Variants in DIP2C observed in about 807,000 individuals in gnomAD.
DIP2C encodes disco-interacting protein 2 homolog C.
In DIP2C, 33 loss-of-function variants were observed where a neutral mutation model predicts 192.4. The observed-to-expected ratio is 0.17, with a 90% CI of 0.13 to 0.23. DIP2C has a LOEUF of 0.23. Ranked by LOEUF, DIP2C falls within the 10% of genes least tolerant of loss-of-function variation. The pLI is 1.00. For synonymous variants in DIP2C, 979 were observed against 864.1 expected (o/e 1.13, Z -2.33); for missense variants, 1,537 against 2,110.1 (o/e 0.73, Z 5.32).
chr10:389,852 T>G, intron 13 of DIP2C, 139 bp downstream of exon 13: 1 of 711,328 alleles, frequency 1.4e-6, no homozygotes, highest in Non-Finnish European at 2.4e-6. Flanking sequence ...ATATCCTAAC[T>G]CAACAATAAG....
At chr10:291,492 T>G (rs1288682983) in intron 32 of DIP2C, among the ~76,000 whole-genome samples, 1 of 152,186 alleles carries the variant, frequency 6.6e-6, no homozygotes. Flanking sequence ...ACCCCGTATC[T>G]AAGGGCAGAA....
intron 7 of DIP2C, among the ~76,000 whole-genome samples, chr10:414,707 ATGTGTG>A (rs71199933): frequency 2.5e-4 from 12 of 47,826 alleles, no homozygotes; most frequent in South Asian, 9.3e-4. Flanking sequence ...GTGTGTATGT[ATGTGTG>A]TGTGTGTGTG....
At chr10:465,556 G>A (rs1310663372) in intron 3 of DIP2C, among the ~76,000 whole-genome samples, 1 of 152,026 alleles carries the variant, frequency 6.6e-6, no homozygotes, top group Non-Finnish European at 1.5e-5. Context: ...GGCAGGAGAA[G>A]GAAACAAAGG....
chr10:382,939 G>A (rs888097766), intron 16 of DIP2C, among the ~76,000 whole-genome samples, 178 bp from the exon 17 acceptor site: 1 of 152,200 alleles, frequency 6.6e-6, no homozygotes, highest in Non-Finnish European at 1.5e-5. Flanking sequence ...TTCTCAAACA[G>A]AACTCAAGAA....
intron 17 of DIP2C, among the ~76,000 whole-genome samples, chr10:376,507 GA>G (rs1381474671): frequency 6.6e-6 from 1 of 151,542 alleles, no homozygotes; most frequent in East Asian, 1.9e-4. Flanking sequence ...GTGGGGTTGG[GA>G]GGGGGGGTCT....
chr10:675,768 CTAAG>C (rs1156684479), intron 1 of DIP2C, among the ~76,000 whole-genome samples: 2 of 152,064 alleles, frequency 1.3e-5, no homozygotes, highest in African/African-American at 4.8e-5. Flanking sequence ...ACATGTATGA[CTAAG>C]TAATAATAAA....
At chr10:543,561 CAGTA>C (rs1206374602) in intron 1 of DIP2C, among the ~76,000 whole-genome samples, 2 of 152,188 alleles carry the variant, frequency 1.3e-5, no homozygotes, top group African/African-American at 4.8e-5. Flanking sequence ...AGATAGAAAT[CAGTA>C]AGATAGGCTG....
chr10:467,363 A>G (rs891666584), intron 3 of DIP2C, among the ~76,000 whole-genome samples: 25 of 129,198 alleles, frequency 1.9e-4, no homozygotes, highest in Admixed American at 1.9e-3. Context: ...GGGGAATATC[A>G]CACTCTGGGG....
At position 357,814 on chromosome 10, in the gene DIP2C, G is replaced by A. The variant is rs771754897; in HGVS notation, c.2904+14C>T. The A allele has an allele frequency of 2.7e-5, 44 of 1,603,270 alleles. No individual in the cohort carries two copies. The highest frequency in any genetic ancestry group is 6.6e-5 in the South Asian group (6 of 90,708). ...TCGGGGACGGTCGGGGAGACTCAGG[G>A]ACCCAGCTCCTACCTTGCGTGCCTG... On this transcript the variant is annotated intron_variant, in intron 23 of 36. Transcript: ENST00000280886.
At chr10:646,761 T>C (rs1301977899) in intron 1 of DIP2C, among the ~76,000 whole-genome samples, 2 of 152,226 alleles carry the variant, frequency 1.3e-5, no homozygotes, top group Non-Finnish European at 2.9e-5. Context: ...TGTCAAATTA[T>C]TTTAAGCTCA....
chr10:369,866 C>T, intron 17 of DIP2C: 1 of 1,366,470 alleles, frequency 7.3e-7, no homozygotes. Context: ...CCCAAGAACA[C>T]CCGTAAACTA....
chr10:578,470 C>A (rs918681628), intron 1 of DIP2C, among the ~76,000 whole-genome samples: 1 of 152,190 alleles, frequency 6.6e-6, no homozygotes, highest in African/African-American at 2.4e-5. Flanking sequence ...TCGTTTCTCT[C>A]ATCTGGGGAT....
chr10:414,735 G>GTATATATATATATATATA (rs1377828086), intron 7 of DIP2C, among the ~76,000 whole-genome samples: 8 of 53,084 alleles, frequency 1.5e-4, no homozygotes, highest in East Asian at 7.6e-4. Context: ...GTGTGTGTGT[G>GTATATATATATATATATA]TGTGTACATA....
rs183014549 is a variant in DIP2C at position 585,079 on chromosome 10, G to C, written c.86-98549C>G. Among the ~76,000 whole-genome samples the C allele has an allele frequency of 1.2e-4, 19 of 152,270 alleles. No homozygotes were observed. In the East Asian group the frequency reaches 3.7e-3, roughly 29 times the overall value. On this transcript the variant is annotated intron_variant, in intron 1 of 36. Coordinates refer to ENST00000280886, the MANE Select transcript of DIP2C (RefSeq NM_014974.3). The stretch of plus-strand genomic sequence containing the variant: ...CCCACGACCTGGCCCCCACTCACGG[G>C]CATCACCTCTCCAGCAGAAAGAGCC...
At chr10:389,244 C>G (rs1460715663) in intron 13 of DIP2C, among the ~76,000 whole-genome samples, 1 of 152,098 alleles carries the variant, frequency 6.6e-6, no homozygotes, top group Non-Finnish European at 1.5e-5. Flanking sequence ...GGGTACATCA[C>G]AACGTCTCAG....
At chr10:583,625 CG>C (rs1246146365) in intron 1 of DIP2C, among the ~76,000 whole-genome samples, 4 of 152,210 alleles carry the variant, frequency 2.6e-5, no homozygotes, top group Admixed American at 6.5e-5. Context: ...GGGCTGCTCC[CG>C]AGACTGTGCT....
At chr10:550,350 G>C (rs1032682783) in intron 1 of DIP2C, among the ~76,000 whole-genome samples, 3 of 152,114 alleles carry the variant, frequency 2.0e-5, no homozygotes, top group Admixed American at 1.3e-4. Context: ...AATAAAATTA[G>C]AAGTATCAGT....
chr10:476,881 C>T (rs1030654709), intron 2 of DIP2C, among the ~76,000 whole-genome samples: 3 of 150,796 alleles, frequency 2.0e-5, no homozygotes, highest in African/African-American at 4.9e-5. Flanking sequence ...CAAGGTCGCC[C>T]GAAAGGGGCA....
chr10:580,793 G>A (rs535002929), intron 1 of DIP2C, among the ~76,000 whole-genome samples: 10 of 152,250 alleles, frequency 6.6e-5, no homozygotes, highest in African/African-American at 1.4e-4. Context: ...TAATTTTCAT[G>A]AATAAAGCTA....
Sources: allele counts gnomAD v4.1 joint callset (sites outside exome capture counted in the v4.1 genomes callset), GRCh38; gene constraint gnomAD v4.1.1; transcripts MANE v1.5; gene names NCBI Gene and HGNC (gene_info 2026-07-23, HGNC 2026-07-21).